The following LARP4 variants were observed in gnomAD, a reference collection of about 807,000 sequenced individuals.
LARP4 encodes La ribonucleoprotein 4, also known as la-related protein 4.
A neutral mutation model predicts 92.9 loss-of-function variants in LARP4; 29 were observed. That is an observed-to-expected ratio of 0.31 (90% CI 0.23 to 0.43). The LOEUF is 0.43. LARP4 is among the 20% of genes least tolerant of loss of function. LARP4 has a pLI of 1.00. For synonymous variants in LARP4, 279 were observed against 284.1 expected (o/e 0.98, Z 0.18); for missense variants, 732 against 860.0 (o/e 0.85, Z 1.86).
intron 1 of LARP4, among the ~76,000 whole-genome samples, chr12:50,402,455 G>C (rs1592674062): frequency 6.6e-6 from 1 of 152,016 alleles, no homozygotes; most frequent in Non-Finnish European, 1.5e-5. Context: ...GTTTTTTTAA[G>C]GAATGTTATG....
At chr12:50,441,000 CAG>C (rs1303739771) in intron 7 of LARP4, among the ~76,000 whole-genome samples, 1 of 151,306 alleles carries the variant, frequency 6.6e-6, no homozygotes. Flanking sequence ...TCTCCTGCCT[CAG>C]CCTCCCAAGT....
chr12:50,402,558 T>A (rs1944063660), intron 1 of LARP4: 1 of 256,408 alleles, frequency 3.9e-6, no homozygotes, highest in African/African-American at 2.3e-5. Flanking sequence ...AATATACTTT[T>A]GACTTCCAAA....
intron 1 of LARP4, among the ~76,000 whole-genome samples, chr12:50,406,000 G>T (rs889798739): frequency 6.6e-6 from 1 of 152,002 alleles, no homozygotes; most frequent in Non-Finnish European, 1.5e-5. Flanking sequence ...TACATTGTCA[G>T]TACAGATGCA....
In LARP4 at chr12:50,441,655, A is replaced by G. The variant is rs1951221076; in HGVS notation, c.804+12A>G. ...GCAAGCCAATTATGGTAAGAAATAG[A>G]GATCAGTGTGAAACCAGAACAGGTT... On this transcript the variant is annotated intron_variant, in intron 8 of 15. Coordinates refer to ENST00000398473, the MANE Select transcript of LARP4 (RefSeq NM_052879.5). 1.3e-6 allele frequency: 2 copies of G among 1,583,816 alleles called. No homozygotes were observed. The highest frequency in any genetic ancestry group is 1.4e-5 in the African/African-American group (1 of 73,562).
chr12:50,462,760 A>G (rs1955609657), intron 12 of LARP4, 130 bp downstream of exon 12: 1 of 623,624 alleles, frequency 1.6e-6, no homozygotes, highest in African/African-American at 1.9e-5. Context: ...AATAGAGCCT[A>G]AATTTAACCC....
rs1390737174 is a variant in LARP4 at position 50,476,928 on chromosome 12, C to T, written c.*1064C>T. 2 of 152,250 alleles carry T rather than the reference C, an allele frequency of 1.3e-5. No individual in the cohort carries two copies. Among genetic ancestry groups the T allele is most frequent in the South Asian group, 4.1e-4 (2 of 4,828 alleles). The allele number at this position is 152,250 out of a possible 1,614,324, so 9.4% of individuals were successfully genotyped here. A position where few individuals can be genotyped will look rare whatever the true frequency, so the allele number is the denominator to read the frequency against. On this transcript the variant is annotated 3_prime_UTR_variant, in exon 16 of 16. Transcript: ENST00000398473. ...AATTTTAGCTCCCAAGATGGTAGGG[C>T]AGACTGACCGTACAGTAATTTATTT...
intron 1 of LARP4, among the ~76,000 whole-genome samples, chr12:50,413,540 G>A (rs892351937): frequency 7.9e-5 from 12 of 152,032 alleles, no homozygotes; most frequent in Non-Finnish European, 1.6e-4. Context: ...GATGTGTTAC[G>A]GATTTCATTA....
intron 6 of LARP4, among the ~76,000 whole-genome samples, chr12:50,439,640 C>T (rs2137568858): frequency 6.6e-6 from 1 of 152,182 alleles, no homozygotes; most frequent in African/African-American, 2.4e-5. Context: ...CAAGCAATTC[C>T]CCTACTTCAA....
chr12:50,401,524 TC>T (rs777359484), intron 1 of LARP4, among the ~76,000 whole-genome samples: 20 of 152,174 alleles, frequency 1.3e-4, no homozygotes, highest in Non-Finnish European at 2.5e-4. Flanking sequence ...TTGAGCAACT[TC>T]CACCAAATTC....
chr12:50,457,673 G>A (rs1021236471), intron 10 of LARP4, among the ~76,000 whole-genome samples: 3 of 151,992 alleles, frequency 2.0e-5, no homozygotes, highest in African/African-American at 4.8e-5. Flanking sequence ...AATTAGCCAG[G>A]CATACTGGTG....
chr12:50,446,604 G>GT (rs1275292957), intron 8 of LARP4, among the ~76,000 whole-genome samples: 1 of 146,330 alleles, frequency 6.8e-6, no homozygotes, highest in Non-Finnish European at 1.5e-5. Context: ...AATTTTTGTA[G>GT]TTTTAGTAGA....
intron 1 of LARP4, among the ~76,000 whole-genome samples, chr12:50,413,081 G>A (rs1946184580): frequency 6.6e-6 from 1 of 152,014 alleles, no homozygotes; most frequent in South Asian, 2.1e-4. Context: ...AAATTAGCCG[G>A]ACGTGGTGGT....
intron 1 of LARP4, among the ~76,000 whole-genome samples, chr12:50,418,489 G>A (rs1210994644): frequency 1.3e-5 from 2 of 152,024 alleles, no homozygotes; most frequent in African/African-American, 2.4e-5. Context: ...AATTCCTCAC[G>A]GCTCTTTTCA....
At chr12:50,468,248 A>C (rs1404271527) in intron 13 of LARP4, among the ~76,000 whole-genome samples, 1 of 148,228 alleles carries the variant, frequency 6.7e-6, no homozygotes, top group South Asian at 2.1e-4. Context: ...AAAGTGCTGG[A>C]ATTACAAGCG....
intron 8 of LARP4, among the ~76,000 whole-genome samples, chr12:50,443,444 A>G (rs754914809): frequency 6.6e-6 from 1 of 151,402 alleles, no homozygotes; most frequent in Non-Finnish European, 1.5e-5. Flanking sequence ...CTAATTTTTA[A>G]ATTTTTGGTA....
chr12:50,409,105 G>A (rs1398817907), intron 1 of LARP4, among the ~76,000 whole-genome samples: 4 of 152,066 alleles, frequency 2.6e-5, no homozygotes. Context: ...AAAAAAAATA[G>A]GAGGGCAGTG....
intron 1 of LARP4, chr12:50,402,784 T>G: frequency 2.2e-6 from 1 of 455,786 alleles, no homozygotes; most frequent in South Asian, 1.5e-5. Flanking sequence ...GGACGGGATG[T>G]TAGCAATTCA....
At position 50,401,037 on chromosome 12, in the gene LARP4, A is replaced by G; in HGVS notation, c.18+9A>G. 6.2e-7 allele frequency: 1 copy of G among 1,614,018 alleles called. No homozygotes were observed. The highest frequency in any genetic ancestry group is 8.5e-7 in the Non-Finnish European group (1 of 1,179,972). Reference sequence around the variant, plus strand: ...TGTTGCTTTTCGTGGAGGTGAGTGCATTATGCTAGTCTCGTCCTGCTCTTA... The same window carrying G: ...TGTTGCTTTTCGTGGAGGTGAGTGCGTTATGCTAGTCTCGTCCTGCTCTTA... On this transcript the variant is annotated intron_variant, in intron 1 of 15. Transcript: ENST00000398473.
At chr12:50,448,448 A>G (rs1429021295) in intron 8 of LARP4, among the ~76,000 whole-genome samples, 1 of 152,202 alleles carries the variant, frequency 6.6e-6, no homozygotes, top group South Asian at 2.1e-4. Context: ...CCACAACCCC[A>G]GTCATCTTGA....
Sources: allele counts gnomAD v4.1 joint callset (sites outside exome capture counted in the v4.1 genomes callset), GRCh38; gene constraint gnomAD v4.1.1; transcripts MANE v1.5; gene names NCBI Gene and HGNC (gene_info 2026-07-23, HGNC 2026-07-21).